CEP164: variants seen among roughly 807,000 people sequenced by gnomAD.
CEP164 encodes centrosomal protein of 164 kDa.
Under a neutral mutation model 182.7 loss-of-function variants are expected in CEP164, and 162 were observed. That is an observed-to-expected ratio of 0.89 (90% CI 0.78 to 1.01). The LOEUF is 1.01. Ranked by LOEUF, CEP164 falls within the 50% of genes least tolerant of loss-of-function variation. The pLI, the probability that CEP164 is intolerant of heterozygous loss-of-function variation, is 0.00. For missense variants in CEP164, 1,735 were observed against 1,790.4 expected, an observed-to-expected ratio of 0.97 and a Z score of 0.56; for synonymous variants, 661 against 690.0, an observed-to-expected ratio of 0.96 and a Z score of 0.66.
At chr11:117,368,128 G>A (rs2041844360) in intron 8 of CEP164, among the ~76,000 whole-genome samples, 1 of 152,176 alleles carries the variant, frequency 6.6e-6, no homozygotes, top group South Asian at 2.1e-4. Flanking sequence ...CTAATTTGGT[G>A]ACAGAAACAG....
At position 117,392,598 on chromosome 11, in the gene CEP164, T is replaced by A; in HGVS notation, c.2464T>A (p.Ser822Thr). 1 of 1,614,066 alleles carries A rather than the reference T, an allele frequency of 6.2e-7. No individual in the cohort carries two copies. Among genetic ancestry groups the A allele is most frequent in the Non-Finnish European group, 8.5e-7 (1 of 1,180,008 alleles). Residue 822 changes from serine to threonine, a missense_variant, in exon 19 of 33, where the codon TCT becomes ACT. Coordinates refer to ENST00000278935, the MANE Select transcript of CEP164 (RefSeq NM_014956.5). ...GQVEHRVHQK[S>T]YHVAGYEHEL... ...AGTGGAGCACAGAGTTCACCAGAAGTCTTATCACGTGGCTGGGTATGAGCA... is the reference window on the plus strand; with the variant it reads ...AGTGGAGCACAGAGTTCACCAGAAGACTTATCACGTGGCTGGGTATGAGCA...
chr11:117,367,090 C>T (rs1387539140), intron 8 of CEP164, among the ~76,000 whole-genome samples: 5 of 152,196 alleles, frequency 3.3e-5, no homozygotes, highest in African/African-American at 9.7e-5. Flanking sequence ...GCATTTCCCA[C>T]AGAGCCCAGG....
At chr11:117,395,845 A>T (rs2136456983) in intron 24 of CEP164, 123 bp downstream of exon 24, 1 of 1,276,932 alleles carries the variant, frequency 7.8e-7, no homozygotes, top group East Asian at 2.4e-5. Context: ...AGCTAGGCAG[A>T]AGAGCCTGTG....
At chr11:117,326,565 C>G (rs767248105), upstream of CEP164, among the ~76,000 whole-genome samples, 2 of 152,196 alleles carry the variant, frequency 1.3e-5, no homozygotes, top group African/African-American at 2.4e-5. Context: ...AGCCACCAGG[C>G]CCGGTCGATA....
intron 10 of CEP164, among the ~76,000 whole-genome samples, chr11:117,374,572 A>G (rs2042544275): frequency 6.6e-6 from 1 of 152,222 alleles, no homozygotes; most frequent in African/African-American, 2.4e-5. Context: ...TAGAAGGCAG[A>G]TGGCAGCTGC....
chr11:117,359,324 T>A (rs915420326), intron 5 of CEP164: 23 of 748,934 alleles, frequency 3.1e-5, no homozygotes, highest in African/African-American at 3.8e-5. Context: ...CTCAGGTGGT[T>A]GTGAGAGTAA....
In CEP164 at chr11:117,382,844, G is replaced by A; in HGVS notation, c.1626G>A (p.Gln542=). 1.9e-6 allele frequency: 3 copies of A among 1,614,178 alleles called. No individual in the cohort carries two copies. Among genetic ancestry groups the A allele is most frequent in the Non-Finnish European group, 2.5e-6 (3 of 1,180,026 alleles). ...PPAACEKGKE[Q]HSQAEELGPG... ...CTGCCTGTGAGAAGGGCAAGGAGCA[G>A]CATTCCCAGGCCGAGGAGCTGGGCC... Residue 542 remains glutamine (Q), a synonymous_variant, in exon 14 of 33, where the codon CAG becomes CAA. Coordinates refer to ENST00000278935, the MANE Select transcript of CEP164 (RefSeq NM_014956.5).
intron 1 of CEP164, among the ~76,000 whole-genome samples, chr11:117,322,756 GAT>G (rs1491262414): frequency 2.6e-3 from 267 of 103,222 alleles, no homozygotes; most frequent in African/African-American, 9.8e-3. Flanking sequence ...TATATAGATA[GAT>G]TTTTTTTTTT....
At position 117,371,392 on chromosome 11, in the gene CEP164, A is replaced by G; in HGVS notation, c.1078A>G (p.Arg360Gly). Residue 360 changes from arginine to glycine, a missense_variant, in exon 9 of 33, where the codon AGG becomes GGG. Transcript: ENST00000278935. ...DTVDAGEEGSRREEAAKEPKK... is the reference protein window; with the variant it reads ...DTVDAGEEGSGREEAAKEPKK... ...AGTAGATGCAGGAGAGGAGGGTTCC[A>G]GGAGGGAAGAGGCAGCCAAGGAGCC... 1 of 1,614,226 alleles carries G rather than the reference A, an allele frequency of 6.2e-7. No individual in the cohort carries two copies.
chr11:117,410,520 G>A (rs1034789031), intron 30 of CEP164: 7 of 295,388 alleles, frequency 2.4e-5, no homozygotes, highest in African/African-American at 1.5e-4. Flanking sequence ...CCTCTTGGCT[G>A]TGTGGCTAAT....
intron 2 of CEP164, chr11:117,336,611 T>G (rs2037163250): frequency 7.4e-6 from 10 of 1,345,826 alleles, no homozygotes; most frequent in Admixed American, 1.7e-5. Context: ...GCCCTGGCTG[T>G]CTGGCATTGG....
At chr11:117,344,324 G>C (rs758977010) in intron 4 of CEP164, 47 bp downstream of exon 4, 2 of 1,315,594 alleles carry the variant, frequency 1.5e-6, no homozygotes, top group Non-Finnish European at 2.2e-6. Flanking sequence ...AGCAGAGGCA[G>C]AGGGAAGCTA....
At chr11:117,402,355 G>A (rs553566117) in intron 27 of CEP164, among the ~76,000 whole-genome samples, 1 of 152,124 alleles carries the variant, frequency 6.6e-6, no homozygotes, top group Non-Finnish European at 1.5e-5. Flanking sequence ...TGAGTAGCTG[G>A]GATTACAGGT....
intron 4 of CEP164, among the ~76,000 whole-genome samples, chr11:117,348,181 A>G (rs1341710066): frequency 1.3e-5 from 2 of 151,984 alleles, no homozygotes; most frequent in Non-Finnish European, 2.9e-5. Context: ...CATGTTGCTC[A>G]GGGTGGTCTT....
intron 5 of CEP164, among the ~76,000 whole-genome samples, chr11:117,354,292 A>T (rs1292519273): frequency 1.3e-5 from 2 of 152,186 alleles, no homozygotes; most frequent in Non-Finnish European, 2.9e-5. Context: ...TGCTGGGATT[A>T]CAGGTGTGAG....
At chr11:117,367,640 G>A (rs141227188) in intron 8 of CEP164, among the ~76,000 whole-genome samples, 34 of 152,252 alleles carry the variant, frequency 2.2e-4, no homozygotes, top group African/African-American at 8.2e-4. Flanking sequence ...TCATCATTTA[G>A]CATTAGGTAT....
rs542940882 is a variant in CEP164, at chr11:117,342,066, C to G, written c.83-2100C>G. ...TCCTACCTCATTTACTTCCTTCTTG[C>G]ATTTATCAGAAGCTTTAATTTTTTG... On this transcript the variant is annotated intron_variant, in intron 3 of 32. Transcript: ENST00000278935. 2.0e-5 allele frequency among the ~76,000 whole-genome samples: 3 copies of G among 152,268 alleles called. No individual in the cohort carries two copies. In the South Asian group the frequency reaches 6.2e-4, roughly 32 times the overall value.
chr11:117,377,237 C>A (rs1044634037), intron 11 of CEP164, among the ~76,000 whole-genome samples: 5 of 152,154 alleles, frequency 3.3e-5, no homozygotes, highest in African/African-American at 1.2e-4. Context: ...GAGTGCGCAA[C>A]CTAGATCCCT....
intron 5 of CEP164, among the ~76,000 whole-genome samples, chr11:117,360,895 G>T (rs11216366): frequency 0.2 from 30,560 of 150,382 alleles, 3,154 homozygotes; most frequent in Admixed American, 0.25. Flanking sequence ...GGTAGATGAG[G>T]ATTTGTCTCT....
Sources: gnomAD v4.1 joint callset for allele counts (sites outside exome capture counted in the v4.1 genomes callset) on GRCh38, gnomAD v4.1.1 for gene constraint, MANE v1.5 for transcripts, NCBI Gene and HGNC (gene_info 2026-07-23, HGNC 2026-07-21) for gene names.